Variants in KHDRBS2 observed in about 807,000 individuals in gnomAD.
KHDRBS2 encodes the protein KH RNA binding domain containing, signal transduction associated 2.
Under a neutral mutation model 44.3 loss-of-function variants are expected in KHDRBS2, and 26 were observed. The ratio of observed to expected loss-of-function variants is 0.59; its 90% CI spans 0.43 to 0.81. The LOEUF (loss-of-function observed/expected upper bound fraction) is 0.81, where lower values mean the gene tolerates loss of function less well. Among genes scored for constraint, KHDRBS2 ranks in the 40% least tolerant of loss-of-function variants. The probability of loss-of-function intolerance (pLI) is 0.00; values close to 1 mark genes in which losing one functional copy is unlikely to be tolerated. For synonymous variants in KHDRBS2, 194 were observed against 151.1 expected, an observed-to-expected ratio of 1.28 and a Z score of -2.08; for missense variants, 476 against 433.1, an observed-to-expected ratio of 1.10 and a Z score of -0.88.
At chr6:61,848,469 TTATATATATATATATATATATGTATA>T (rs1268218078) in intron 6 of KHDRBS2, among the ~76,000 whole-genome samples, 3 of 73,682 alleles carry the variant, frequency 4.1e-5, no homozygotes, top group African/African-American at 6.7e-5. Flanking sequence ...AATGGAGGTT[TTATATATATATATATATATATGTATA>T]TATATATATA....
the KHDRBS2 span, among the ~76,000 whole-genome samples, chr6:61,548,101 G>A: frequency 6.6e-6 from 1 of 152,132 alleles, no homozygotes; most frequent in African/African-American, 2.4e-5. Context: ...GAACTGAAAT[G>A]ATGAATCTAA....
the KHDRBS2 span, among the ~76,000 whole-genome samples, chr6:61,610,829 T>C: frequency 6.6e-6 from 1 of 152,226 alleles, no homozygotes; most frequent in African/African-American, 2.4e-5. Context: ...CGTTGAGAAG[T>C]ACCAAATAAT....
the KHDRBS2 span, among the ~76,000 whole-genome samples, chr6:61,664,395 C>T: frequency 6.6e-6 from 1 of 151,646 alleles, no homozygotes; most frequent in South Asian, 2.1e-4. Context: ...AACAATACCC[C>T]TTATTGTCCC....
intron 6 of KHDRBS2, among the ~76,000 whole-genome samples, chr6:61,801,993 C>T (rs1459227766): frequency 6.6e-6 from 1 of 152,006 alleles, no homozygotes; most frequent in East Asian, 1.9e-4. Flanking sequence ...AGATCCAGAG[C>T]ATGGGAAGGA....
the KHDRBS2 span, among the ~76,000 whole-genome samples, chr6:61,589,527 C>T: frequency 2.6e-5 from 4 of 152,156 alleles, no homozygotes; most frequent in African/African-American, 2.4e-5. Context: ...ACTTATTGTA[C>T]AAGTTTCTCA....
At chr6:61,624,320 T>C in the KHDRBS2 span, among the ~76,000 whole-genome samples, 1 of 152,180 alleles carries the variant, frequency 6.6e-6, no homozygotes, top group African/African-American at 2.4e-5. Context: ...AACCAAGGCT[T>C]ATCCAGCTAT....
At chr6:61,926,288 C>T (rs1808962194) in intron 4 of KHDRBS2, among the ~76,000 whole-genome samples, 1 of 152,006 alleles carries the variant, frequency 6.6e-6, no homozygotes, top group Non-Finnish European at 1.5e-5. Flanking sequence ...ACTGGGTGAG[C>T]TTAGAAGGGA....
At chr6:61,976,743 T>C (rs1334940304) in intron 4 of KHDRBS2, among the ~76,000 whole-genome samples, 1 of 152,148 alleles carries the variant, frequency 6.6e-6, no homozygotes, top group Non-Finnish European at 1.5e-5. Context: ...GTTAGTAATG[T>C]ACAGTCCTAG....
At chr6:62,082,969 C>A (rs1562815724) in intron 2 of KHDRBS2, among the ~76,000 whole-genome samples, 1 of 152,080 alleles carries the variant, frequency 6.6e-6, no homozygotes, top group African/African-American at 2.4e-5. Context: ...CATTTACAAT[C>A]AAAATGATAT....
At chr6:61,910,623 C>T (rs904755174) in intron 4 of KHDRBS2, among the ~76,000 whole-genome samples, 3 of 152,110 alleles carry the variant, frequency 2.0e-5, no homozygotes, top group African/African-American at 7.2e-5. Context: ...TATTTTCTAT[C>T]TTGTTTTATT....
the KHDRBS2 span, among the ~76,000 whole-genome samples, chr6:61,607,823 GA>G: frequency 2.0e-5 from 3 of 152,088 alleles, no homozygotes; most frequent in South Asian, 6.2e-4. Flanking sequence ...TGGTAGCTGG[GA>G]TTACAGCTGT....
chr6:61,764,437 G>A (rs907414832), intron 6 of KHDRBS2, among the ~76,000 whole-genome samples: 1 of 151,976 alleles, frequency 6.6e-6, no homozygotes, highest in African/African-American at 2.4e-5. Flanking sequence ...GAACTATTAG[G>A]TTGGTGCAAA....
rs141305993 is a variant in KHDRBS2, at chr6:61,939,948, T to G, written c.483+38118A>C. On this transcript the variant is annotated intron_variant, in intron 4 of 8. Transcript: ENST00000281156. The stretch of plus-strand genomic sequence containing the variant: ...TGATATTCAATTCATAAAATAAATG[T>G]ACCCTTTTTTTCTTGTTACTTTTTC... Among the ~76,000 whole-genome samples the G allele has an allele frequency of 2.5e-3, 378 of 152,292 alleles. 3 individuals are homozygous for G. The highest frequency in any genetic ancestry group is 8.5e-3 in the African/African-American group (352 of 41,578).
intron 6 of KHDRBS2, among the ~76,000 whole-genome samples, chr6:61,857,369 A>G (rs188379090): frequency 6.6e-6 from 1 of 152,152 alleles, no homozygotes; most frequent in East Asian, 1.9e-4. Flanking sequence ...TCAATCATCC[A>G]CTTAACTATA....
At chr6:61,979,129 C>A (rs1246015599) in intron 3 of KHDRBS2, among the ~76,000 whole-genome samples, 1 of 151,962 alleles carries the variant, frequency 6.6e-6, no homozygotes, top group Admixed American at 6.6e-5. Context: ...TAATCAAAAT[C>A]ATTTTGTACA....
chr6:62,111,613 A>C (rs1011683200), intron 2 of KHDRBS2, among the ~76,000 whole-genome samples: 80 of 152,228 alleles, frequency 5.3e-4, no homozygotes, highest in African/African-American at 1.8e-3. Flanking sequence ...AACAGACTGC[A>C]GGATAGATAC....
intron 6 of KHDRBS2, among the ~76,000 whole-genome samples, chr6:61,773,901 A>G (rs1039750334): frequency 1.3e-5 from 2 of 151,528 alleles, no homozygotes; most frequent in African/African-American, 2.4e-5. Flanking sequence ...TAAATAGGGA[A>G]TCCTTTCCCC....
intron 2 of KHDRBS2, among the ~76,000 whole-genome samples, chr6:62,087,076 A>T (rs904786411): frequency 2.0e-5 from 3 of 152,204 alleles, no homozygotes; most frequent in Non-Finnish European, 4.4e-5. Flanking sequence ...TAAGACATGT[A>T]TGAACCTTGT....
intron 2 of KHDRBS2, among the ~76,000 whole-genome samples, chr6:62,103,748 C>A (rs1802470049): frequency 6.6e-6 from 1 of 152,150 alleles, no homozygotes; most frequent in Non-Finnish European, 1.5e-5. Context: ...CTTGCAGTGG[C>A]CCCTCCAGGC....
Sources: allele counts gnomAD v4.1 joint callset (sites outside exome capture counted in the v4.1 genomes callset), GRCh38; gene constraint gnomAD v4.1.1; transcripts MANE v1.5; gene names NCBI Gene and HGNC (gene_info 2026-07-23, HGNC 2026-07-21).